The following SLC35D2 variants were observed in gnomAD, a reference collection of about 807,000 sequenced individuals.
SLC35D2 encodes nucleotide sugar transporter SLC35D2.
A neutral mutation model predicts 41.8 loss-of-function variants in SLC35D2; 43 were observed. That is an observed-to-expected ratio of 1.03 (90% CI 0.81 to 1.33). The LOEUF is 1.33. Among genes scored for constraint, SLC35D2 ranks in the 40% most tolerant of loss-of-function variants. SLC35D2 has a pLI of 0.00. For missense variants in SLC35D2, 380 were observed against 408.4 expected (o/e 0.93, Z 0.60); for synonymous variants, 150 against 163.9 (o/e 0.92, Z 0.65).
At chr9:96,328,427 T>A (rs1201868119) in intron 9 of SLC35D2, among the ~76,000 whole-genome samples, 1 of 152,180 alleles carries the variant, frequency 6.6e-6, no homozygotes, top group Non-Finnish European at 1.5e-5. Flanking sequence ...GCTCTGTATT[T>A]TGAAGTCATG....
At chr9:96,341,938 GA>G (rs139521338) in intron 8 of SLC35D2, among the ~76,000 whole-genome samples, 123 of 136,988 alleles carry the variant, frequency 9.0e-4, no homozygotes, top group South Asian at 1.5e-3. Context: ...TATATTTTTG[GA>G]AAAAAAAAAT....
In SLC35D2 at chr9:96,321,159, G is replaced by A. The variant is rs555778387; in HGVS notation, c.*83C>T. 3.0e-5 allele frequency: 32 copies of A among 1,072,394 alleles called. No individual in the cohort carries two copies. Among genetic ancestry groups the A allele is most frequent in the Non-Finnish European group, 4.1e-5 (29 of 708,610 alleles). 66.4% of individuals were successfully genotyped at this position (1,072,394 alleles called of 1,614,324 possible). A position where few individuals can be genotyped will look rare whatever the true frequency, so the allele number is the denominator to read the frequency against. On this transcript the variant is annotated 3_prime_UTR_variant, in exon 12 of 12. Coordinates refer to ENST00000253270, the MANE Select transcript of SLC35D2 (RefSeq NM_007001.3). ...CCCAGGGGGTGGATGTCACGAATCC[G>A]AAACCTCTGGCTTCACATTCCTACT...
chr9:96,372,895 TTTTG>T (rs1186740114), intron 1 of SLC35D2, among the ~76,000 whole-genome samples: 2 of 149,720 alleles, frequency 1.3e-5, no homozygotes, highest in East Asian at 2.0e-4. Flanking sequence ...TTTTTTGTTC[TTTTG>T]TTTTTTTGTT....
intron 9 of SLC35D2, among the ~76,000 whole-genome samples, chr9:96,335,607 G>A (rs1240638355): frequency 2.0e-5 from 3 of 152,072 alleles, no homozygotes; most frequent in Non-Finnish European, 4.4e-5. Context: ...TGATCCACCT[G>A]CCTCAGCCTC....
At chr9:96,340,291 A>G (rs1829255426) in intron 8 of SLC35D2, among the ~76,000 whole-genome samples, 1 of 151,970 alleles carries the variant, frequency 6.6e-6, no homozygotes, top group Non-Finnish European at 1.5e-5. Context: ...TGTCTCATAT[A>G]TTTTGGCATC....
intron 9 of SLC35D2, among the ~76,000 whole-genome samples, chr9:96,334,875 A>G (rs1828980663): frequency 6.6e-6 from 1 of 152,236 alleles, no homozygotes; most frequent in Non-Finnish European, 1.5e-5. Context: ...ATGAACAGAT[A>G]CGTTTGGGAA....
intron 8 of SLC35D2, among the ~76,000 whole-genome samples, chr9:96,341,188 G>A (rs1354475251): frequency 6.6e-6 from 1 of 152,136 alleles, no homozygotes; most frequent in Non-Finnish European, 1.5e-5. Context: ...TCAGGAGGCC[G>A]AGGCAGGAGA....
rs554255832 is a variant in SLC35D2, at chr9:96,355,027, G to A, written c.348-2918C>T. On this transcript the variant is annotated intron_variant, in intron 4 of 11. Coordinates refer to ENST00000253270, the MANE Select transcript of SLC35D2 (RefSeq NM_007001.3). Reference sequence around the variant, plus strand: ...AGCCTGGGCAACAGAGCAAGACCCCGTCTCTACTTTGAGACAGGGTCTTGC... The same window carrying A: ...AGCCTGGGCAACAGAGCAAGACCCCATCTCTACTTTGAGACAGGGTCTTGC... Among the ~76,000 whole-genome samples, 349 of 150,750 alleles carry A rather than the reference G, an allele frequency of 2.3e-3. 2 individuals are homozygous for A. The highest frequency in any genetic ancestry group is 8.3e-3 in the African/African-American group (344 of 41,208).
At position 96,330,158 on chromosome 9, in the gene SLC35D2, T is replaced by C. The variant is rs887062433; in HGVS notation, c.753-5989A>G. On this transcript the variant is annotated intron_variant, in intron 9 of 11. Coordinates refer to ENST00000253270, the MANE Select transcript of SLC35D2 (RefSeq NM_007001.3). ...ATGTCCAAGGCAGCAGAAGAAAGTC[T>C]GTCCCAGATTTCAAAGAGGGATGGA... Among the ~76,000 whole-genome samples the C allele has an allele frequency of 2.0e-5, 3 of 152,368 alleles. No homozygotes were observed. In the East Asian group the frequency reaches 5.8e-4, roughly 29 times the overall value.
Position 96,350,347 on chromosome 9 carries a change from C to CTTTTTTTTTT in SLC35D2, c.488+746_488+755dup, listed in dbSNP as rs57531044. Among the ~76,000 whole-genome samples the CTTTTTTTTTT allele has an allele frequency of 1.5e-3, 137 of 91,006 alleles. 13 individuals are homozygous for CTTTTTTTTTT. Among genetic ancestry groups the CTTTTTTTTTT allele is most frequent in the African/African-American group, 6.5e-3 (131 of 20,058 alleles). The allele number at this position is 91,006 out of a possible 152,430, so 59.7% of individuals were successfully genotyped here. A position where few individuals can be genotyped will look rare whatever the true frequency, so the allele number is the denominator to read the frequency against. ...CACGACGCCAGGCTAATTTTCTTTC[C>CTTTTTTTTTT]TTTTTTTTTTTTTTTTTTTTTTTTT... is the stretch of plus-strand genomic sequence containing the variant. On this transcript the variant is annotated intron_variant, in intron 6 of 11. Transcript: ENST00000253270.
chr9:96,360,521 C>T (rs1441587437), intron 3 of SLC35D2, among the ~76,000 whole-genome samples: 1 of 142,276 alleles, frequency 7.0e-6, no homozygotes, highest in Non-Finnish European at 1.5e-5. Flanking sequence ...CCCAGCTACT[C>T]GGGAGGCTGA....
At chr9:96,340,493 G>A (rs892690236) in intron 8 of SLC35D2, among the ~76,000 whole-genome samples, 3 of 151,092 alleles carry the variant, frequency 2.0e-5, no homozygotes, top group Admixed American at 6.6e-5. Flanking sequence ...GGTGGCGGGC[G>A]CCTGTAGTTC....
intron 2 of SLC35D2, among the ~76,000 whole-genome samples, chr9:96,365,040 CA>C (rs59249417): frequency 0.019 from 926 of 49,418 alleles, 5 homozygotes; most frequent in African/African-American, 0.053. Context: ...ACCACTGTCT[CA>C]AAAAAAAAAA....
intron 6 of SLC35D2, among the ~76,000 whole-genome samples, chr9:96,346,450 T>C (rs988682549): frequency 6.6e-6 from 1 of 152,214 alleles, no homozygotes; most frequent in Non-Finnish European, 1.5e-5. Context: ...CGTCCAGTGA[T>C]AGGAATTGCT....
intron 3 of SLC35D2, among the ~76,000 whole-genome samples, chr9:96,363,543 C>T (rs1005688443): frequency 6.6e-6 from 1 of 152,204 alleles, no homozygotes; most frequent in Non-Finnish European, 1.5e-5. Context: ...TGGAACCCAG[C>T]AACTGTTCAA....
chr9:96,315,734 G>A (rs1270428522), downstream of SLC35D2, among the ~76,000 whole-genome samples: 1 of 152,094 alleles, frequency 6.6e-6, no homozygotes, highest in East Asian at 1.9e-4. Context: ...CACCTGGCTA[G>A]ATCCTTATTT....
At chr9:96,357,672 A>G (rs919292321) in intron 4 of SLC35D2, 2 of 152,206 alleles carry the variant, frequency 1.3e-5, no homozygotes, top group African/African-American at 4.8e-5. Context: ...TCAGTTAGGC[A>G]AAGCCTTAGA....
At chr9:96,347,031 G>A (rs1829610024) in intron 6 of SLC35D2, among the ~76,000 whole-genome samples, 1 of 152,158 alleles carries the variant, frequency 6.6e-6, no homozygotes, top group African/African-American at 2.4e-5. Flanking sequence ...AGCTACTTGG[G>A]AGGCTGAGGC....
chr9:96,347,124 T>C (rs182973503), intron 6 of SLC35D2, among the ~76,000 whole-genome samples: 1 of 152,292 alleles, frequency 6.6e-6, no homozygotes, highest in East Asian at 1.9e-4. Context: ...AGCGAAACTC[T>C]GTCTCAAAAG....
Sources: gnomAD v4.1 joint callset for allele counts (sites outside exome capture counted in the v4.1 genomes callset) on GRCh38, gnomAD v4.1.1 for gene constraint, MANE v1.5 for transcripts, NCBI Gene and HGNC (gene_info 2026-07-23, HGNC 2026-07-21) for gene names.